The following TMC2 variants were observed in gnomAD, a reference collection of about 807,000 sequenced individuals.
The protein encoded by TMC2 is transmembrane channel-like protein 2.
A neutral mutation model predicts 105.9 loss-of-function variants in TMC2; 102 were observed. That is an observed-to-expected ratio of 0.96 (90% CI 0.82 to 1.14). The LOEUF (loss-of-function observed/expected upper bound fraction) is 1.14. Ranked by LOEUF, TMC2 falls within the 50% of genes most tolerant of loss-of-function variation. The probability of loss-of-function intolerance (pLI) is 0.00; values close to 1 mark genes in which losing one functional copy is unlikely to be tolerated. For missense variants in TMC2, 1,093 were observed against 1,134.3 expected, an observed-to-expected ratio of 0.96 and a Z score of 0.52; for synonymous variants, 402 against 422.8, an observed-to-expected ratio of 0.95 and a Z score of 0.60.
chr20:2,618,904 A>T (rs751320350), intron 16 of TMC2, among the ~76,000 whole-genome samples: 6 of 152,182 alleles, frequency 3.9e-5, no homozygotes, highest in African/African-American at 7.2e-5. Flanking sequence ...CTTATTGACC[A>T]CAGAACCCTT....
intron 8 of TMC2, among the ~76,000 whole-genome samples, chr20:2,593,087 G>A (rs2086280522): frequency 6.6e-6 from 1 of 152,102 alleles, no homozygotes; most frequent in African/African-American, 2.4e-5. Context: ...CGCATGGCTG[G>A]GGAGGCCTCA....
At chr20:2,631,354 C>T (rs1399852808) in intron 17 of TMC2, among the ~76,000 whole-genome samples, 1 of 152,202 alleles carries the variant, frequency 6.6e-6, no homozygotes, top group East Asian at 1.9e-4. Flanking sequence ...GTTACCTTTA[C>T]TAGTGCTCTT....
At chr20:2,600,986 G>GAAAAAAAAA (rs55710696) in intron 10 of TMC2, among the ~76,000 whole-genome samples, 79 of 90,510 alleles carry the variant, frequency 8.7e-4, no homozygotes, top group East Asian at 1.5e-3. Flanking sequence ...GACTGTCTCA[G>GAAAAAAAAA]AAAAAAAAAA....
intron 9 of TMC2, among the ~76,000 whole-genome samples, chr20:2,596,325 G>A (rs1435944602): frequency 6.6e-6 from 1 of 152,042 alleles, no homozygotes; most frequent in East Asian, 1.9e-4. Flanking sequence ...AGTAATTGAT[G>A]GTTTTGCAAT....
chr20:2,616,103 C>A lies in TMC2; in HGVS notation c.1873-34C>A. 1.1e-6 allele frequency: 1 copy of A among 922,522 alleles called. No individual in the cohort carries two copies. The highest frequency in any genetic ancestry group is 1.5e-6 in the Non-Finnish European group (1 of 653,576). 57.1% of individuals were successfully genotyped at this position (922,522 alleles called of 1,614,324 possible). On this transcript the variant is annotated intron_variant, in intron 14 of 19. Coordinates refer to ENST00000358864, the MANE Select transcript of TMC2 (RefSeq NM_080751.3). The surrounding 1 kb of genome is among the most constrained non-coding windows in gnomAD (Gnocchi z 4.8). The stretch of plus-strand genomic sequence containing the variant: ...ATTCACCAAACGTGCTTTTTTTTTT[C>A]TCTCTCTCTCTCGCTCCCTCCCTCC...
chr20:2,640,330 T>G (rs1291177177), intron 19 of TMC2, among the ~76,000 whole-genome samples: 2 of 152,162 alleles, frequency 1.3e-5, no homozygotes, highest in South Asian at 2.1e-4. Context: ...TCCAATTTCT[T>G]AGTAACTGGA....
chr20:2,537,325 G>A lies in TMC2; in HGVS notation c.82+9G>A. The A allele has an allele frequency of 6.3e-7, 1 of 1,595,390 alleles. No individual in the cohort carries two copies. Among genetic ancestry groups the A allele is most frequent in the Non-Finnish European group, 8.5e-7 (1 of 1,170,926 alleles). On this transcript the variant is annotated intron_variant, in intron 2 of 19. Coordinates refer to ENST00000358864, the MANE Select transcript of TMC2 (RefSeq NM_080751.3). ...CGGCTCTCCACACACAGGTGAGATG[G>A]GGTGGTGGGGTCTCTGGGGAGCCTG...
In TMC2 at chr20:2,558,251, TC is replaced by T. The variant is rs1190412417; in HGVS notation, c.83-203del. On this transcript the variant is annotated intron_variant, in intron 2 of 19. Transcript: ENST00000358864. The surrounding 1 kb of genome is among the most constrained non-coding windows in gnomAD (Gnocchi z 4.6). ...GAGGGAGAAGGCCAGAGAGTGACCT[TC>T]CTGCTTCTGCAGTTTTCTTAGTTTC... The T allele has an allele frequency of 2.7e-5, 35 of 1,289,648 alleles. No individual in the cohort carries two copies. In the African/African-American group the frequency reaches 4.8e-4, roughly 18 times the overall value. The allele number at this position is 1,289,648 out of a possible 1,614,324, so 79.9% of individuals were successfully genotyped here. A position where few individuals can be genotyped will look rare whatever the true frequency, so the allele number is the denominator to read the frequency against.
intron 9 of TMC2, 114 bp downstream of exon 9, chr20:2,595,081 G>A: frequency 9.0e-6 from 11 of 1,224,780 alleles, no homozygotes; most frequent in South Asian, 1.4e-5. Context: ...AACAGGAAAT[G>A]AGCACAGAAA....
chr20:2,625,339 T>A (rs2086556619), intron 17 of TMC2, among the ~76,000 whole-genome samples: 1 of 152,214 alleles, frequency 6.6e-6, no homozygotes, highest in Non-Finnish European at 1.5e-5. Flanking sequence ...TTCTTCGTAA[T>A]AGAAATAAAA....
intron 5 of TMC2, among the ~76,000 whole-genome samples, chr20:2,574,425 C>T (rs937250830): frequency 2.0e-5 from 3 of 152,182 alleles, no homozygotes; most frequent in African/African-American, 7.2e-5. Context: ...AGCGTTACCT[C>T]CTCTTTATGC....
At chr20:2,578,114 A>G (rs757569099) in intron 5 of TMC2, among the ~76,000 whole-genome samples, 1 of 152,152 alleles carries the variant, frequency 6.6e-6, no homozygotes, top group Non-Finnish European at 1.5e-5. Context: ...TGAGATCAGG[A>G]GTTCAAGGCC....
At chr20:2,564,129 T>C (rs191808634) in intron 4 of TMC2, among the ~76,000 whole-genome samples, 4 of 151,048 alleles carry the variant, frequency 2.6e-5, no homozygotes, top group Admixed American at 6.6e-5. Context: ...AGCTCTGGAC[T>C]GTCTTCCTTC....
chr20:2,583,311 T>C (rs2086208531), intron 7 of TMC2, among the ~76,000 whole-genome samples: 1 of 152,216 alleles, frequency 6.6e-6, no homozygotes, highest in Non-Finnish European at 1.5e-5. Flanking sequence ...CAGAATTCTC[T>C]GTTGATTCCC....
chr20:2,639,667 G>A (rs2086674445), intron 19 of TMC2, among the ~76,000 whole-genome samples: 1 of 152,160 alleles, frequency 6.6e-6, no homozygotes, highest in Non-Finnish European at 1.5e-5. Context: ...GAAAAGAGAA[G>A]CACTGGAATA....
Position 2,641,303 on chromosome 20 carries a change from T to C in TMC2, c.2673T>C (p.His891=). Residue 891 remains histidine (H), a synonymous_variant, in exon 20 of 20, where the codon CAT becomes CAC. Coordinates refer to ENST00000358864, the MANE Select transcript of TMC2 (RefSeq NM_080751.3). ...PDSGHAPSQT[H]PWRSASGKSA... The stretch of plus-strand genomic sequence containing the variant: ...CTGGCCACGCCCCATCTCAGACTCA[T>C]CCGTGGAGGTCAGCCTCTGGAAAGA... The C allele has an allele frequency of 6.2e-7, 1 of 1,614,044 alleles. No individual in the cohort carries two copies. The highest frequency in any genetic ancestry group is 8.5e-7 in the Non-Finnish European group (1 of 1,180,000).
rs1236013983 is a variant in TMC2 at position 2,579,070 on chromosome 20, C to T, written c.646-76C>T. The T allele has an allele frequency of 6.2e-6, 5 of 804,700 alleles. No individual in the cohort carries two copies. In the East Asian group the frequency reaches 7.9e-5, roughly 13 times the overall value. The allele number at this position is 804,700 out of a possible 1,614,324, so 49.8% of individuals were successfully genotyped here. A position where few individuals can be genotyped will look rare whatever the true frequency, so the allele number is the denominator to read the frequency against. On this transcript the variant is annotated intron_variant, in intron 5 of 19. Coordinates refer to ENST00000358864, the MANE Select transcript of TMC2 (RefSeq NM_080751.3). ...ACTCATGCTGACCTGTCGGCCTCCT[C>T]GTGCCCCTCATCATGCCCCTTTGTG...
chr20:2,634,973 G>A (rs1351235136), intron 17 of TMC2, among the ~76,000 whole-genome samples: 1 of 152,192 alleles, frequency 6.6e-6, no homozygotes, highest in Non-Finnish European at 1.5e-5. Context: ...AGTTATGGAT[G>A]GCCTAGCCCT....
At chr20:2,620,855 G>A (rs1046577341) in intron 16 of TMC2, among the ~76,000 whole-genome samples, 1 of 152,186 alleles carries the variant, frequency 6.6e-6, no homozygotes, top group African/African-American at 2.4e-5. Context: ...ATGGAGCTTG[G>A]CTGATTGGAT....
Sources: gnomAD v4.1 joint callset for allele counts (sites outside exome capture counted in the v4.1 genomes callset) on GRCh38, gnomAD v4.1.1 for gene constraint, Gnocchi (gnomAD v3.1) non-coding constraint, MANE v1.5 for transcripts, NCBI Gene and HGNC (gene_info 2026-07-23, HGNC 2026-07-21) for gene names.